The following CADM1 variants were observed in gnomAD, a reference collection of about 807,000 sequenced individuals.
CADM1 encodes the protein TSLC-1.
Under a neutral mutation model 53.1 loss-of-function variants are expected in CADM1, and 15 were observed. That is an observed-to-expected ratio of 0.28 (90% CI 0.19 to 0.44). CADM1 has a LOEUF of 0.44. Among genes scored for constraint, CADM1 ranks in the 20% least tolerant of loss-of-function variants. The pLI is 1.00. For synonymous variants in CADM1, 281 were observed against 243.0 expected (o/e 1.16, Z -1.45); for missense variants, 434 against 611.3 (o/e 0.71, Z 3.06).
At chr11:115,204,282 G>A (rs1395079069) in intron 8 of CADM1, among the ~76,000 whole-genome samples, 1 of 152,048 alleles carries the variant, frequency 6.6e-6, no homozygotes, top group Admixed American at 6.5e-5. Context: ...TCCCTTCTTT[G>A]ATGGCACAGA....
At chr11:115,484,248 G>A (rs895281608) in intron 1 of CADM1, among the ~76,000 whole-genome samples, 2 of 152,150 alleles carry the variant, frequency 1.3e-5, no homozygotes, top group Non-Finnish European at 2.9e-5. Flanking sequence ...TCTGGATGTC[G>A]TACAGCATGC....
intron 1 of CADM1, among the ~76,000 whole-genome samples, chr11:115,465,125 C>T (rs1222920323): frequency 6.6e-6 from 1 of 152,192 alleles, no homozygotes; most frequent in African/African-American, 2.4e-5. Context: ...TAGCATTATA[C>T]AGACTCCTGC....
intron 1 of CADM1, among the ~76,000 whole-genome samples, chr11:115,413,907 T>A (rs1387596396): frequency 6.6e-6 from 1 of 152,066 alleles, no homozygotes; most frequent in African/African-American, 2.4e-5. Flanking sequence ...ACTCCCAAAG[T>A]GCTGGGATTA....
chr11:115,345,654 C>A (rs529710657), intron 1 of CADM1, among the ~76,000 whole-genome samples: 1 of 152,204 alleles, frequency 6.6e-6, no homozygotes, highest in African/African-American at 2.4e-5. Context: ...CCACTCCCAA[C>A]AACTGAGCTG....
At chr11:115,244,559 GA>G (rs1260519121) in intron 1 of CADM1, among the ~76,000 whole-genome samples, 10 of 152,160 alleles carry the variant, frequency 6.6e-5, no homozygotes, top group Non-Finnish European at 1.2e-4. Flanking sequence ...CTTTAGAGAT[GA>G]AAAACCTGAG....
rs113771380 is a variant in CADM1 at position 115,265,148 on chromosome 11, C to T, written c.125-24728G>A. Among the ~76,000 whole-genome samples, 1,018 of 152,310 alleles carry T rather than the reference C, an allele frequency of 6.7e-3. 12 individuals carry two copies. Among genetic ancestry groups the T allele is most frequent in the African/African-American group, 0.022 (894 of 41,570 alleles). On this transcript the variant is annotated intron_variant, in intron 1 of 11. Transcript: ENST00000331581. Reference sequence around the variant, plus strand: ...CCCCTCCCCTTCTTGAATATACACACTTACATCAGGAAAACAGTTTTCTGC... The same window carrying T: ...CCCCTCCCCTTCTTGAATATACACATTTACATCAGGAAAACAGTTTTCTGC...
At chr11:115,317,586 G>A (rs546044084) in intron 1 of CADM1, among the ~76,000 whole-genome samples, 1 of 152,184 alleles carries the variant, frequency 6.6e-6, no homozygotes, top group South Asian at 2.1e-4. Flanking sequence ...GTTCCCAAGG[G>A]GCAGGAGGCT....
At chr11:115,442,199 CAAGGCA>C (rs1392103365) in intron 1 of CADM1, among the ~76,000 whole-genome samples, 1 of 151,488 alleles carries the variant, frequency 6.6e-6, no homozygotes. Context: ...CCCTGGGAAG[CAAGGCA>C]AGGGACCAAT....
intron 7 of CADM1, among the ~76,000 whole-genome samples, chr11:115,209,988 A>T (rs1940883190): frequency 6.6e-6 from 1 of 152,218 alleles, no homozygotes; most frequent in Admixed American, 6.5e-5. Context: ...CAGTACCAAG[A>T]GGGTACAATG....
chr11:115,246,776 A>G (rs1407209032), intron 1 of CADM1, among the ~76,000 whole-genome samples: 2 of 152,198 alleles, frequency 1.3e-5, no homozygotes, highest in African/African-American at 4.8e-5. Context: ...ACTGTATCCT[A>G]TGGCATGGAG....
chr11:115,458,398 T>A (rs1035673913), intron 1 of CADM1, among the ~76,000 whole-genome samples: 2 of 151,870 alleles, frequency 1.3e-5, no homozygotes, highest in African/African-American at 2.4e-5. Context: ...TAGTAGACAC[T>A]AGAATAGGGG....
At chr11:115,422,835 T>C (rs1322237808) in intron 1 of CADM1, among the ~76,000 whole-genome samples, 1 of 152,168 alleles carries the variant, frequency 6.6e-6, no homozygotes, top group Admixed American at 6.6e-5. Flanking sequence ...CTGCTATGAT[T>C]TTATTGAAAC....
At chr11:115,268,726 G>A (rs1021540928) in intron 1 of CADM1, among the ~76,000 whole-genome samples, 1 of 152,220 alleles carries the variant, frequency 6.6e-6, no homozygotes, top group African/African-American at 2.4e-5. Flanking sequence ...GTGCTGCGAA[G>A]CGGCTTTAAA....
At chr11:115,474,333 T>G (rs1949081640) in intron 1 of CADM1, among the ~76,000 whole-genome samples, 6 of 148,642 alleles carry the variant, frequency 4.0e-5, no homozygotes, top group Admixed American at 2.7e-4. Flanking sequence ...GCAAAATATC[T>G]GAATAGACAC....
In CADM1 at chr11:115,221,175, G is replaced by T. The variant is rs1941392462; in HGVS notation, c.722-3184C>A. 3.3e-5 allele frequency among the ~76,000 whole-genome samples: 5 copies of T among 152,256 alleles called. No individual in the cohort carries two copies. The South Asian group carries it at 1.0e-3, about 32-fold the overall frequency. On this transcript the variant is annotated intron_variant, in intron 5 of 11. Coordinates refer to ENST00000331581, the MANE Select transcript of CADM1 (RefSeq NM_001301043.2). ...AATGTATCACTCAGAATGGCTTAAT[G>T]TCATTATAAAATGGAACTGCTATAT...
At chr11:115,377,355 A>C (rs1257452038) in intron 1 of CADM1, 5 of 152,198 alleles carry the variant, frequency 3.3e-5, no homozygotes, top group Non-Finnish European at 5.9e-5. Context: ...GGTGTGTTCC[A>C]ATCACCTATA....
chr11:115,179,818 A>T (rs1939225786), intron 10 of CADM1, among the ~76,000 whole-genome samples: 1 of 152,158 alleles, frequency 6.6e-6, no homozygotes, highest in Non-Finnish European at 1.5e-5. Flanking sequence ...AACGGTAAAA[A>T]TCTTTTAACT....
chr11:115,447,699 C>CT (rs574735629), intron 1 of CADM1, among the ~76,000 whole-genome samples: 266 of 152,264 alleles, frequency 1.7e-3, no homozygotes, highest in Non-Finnish European at 2.7e-3. Flanking sequence ...CAAACGGTGG[C>CT]TGGTAGCTTT....
At chr11:115,429,231 T>TA (rs566723242) in intron 1 of CADM1, among the ~76,000 whole-genome samples, 40 of 151,576 alleles carry the variant, frequency 2.6e-4, no homozygotes, top group African/African-American at 8.2e-4. Flanking sequence ...TGCTGAGAAC[T>TA]AAAAAAAATA....
Sources: allele counts gnomAD v4.1 joint callset (sites outside exome capture counted in the v4.1 genomes callset), GRCh38; gene constraint gnomAD v4.1.1; transcripts MANE v1.5; gene names NCBI Gene and HGNC (gene_info 2026-07-23, HGNC 2026-07-21).